The following VPS4B variants were observed in gnomAD, a reference collection of about 807,000 sequenced individuals.
VPS4B encodes vacuolar protein sorting 4 homolog B, also known as vacuolar protein sorting-associated protein 4B.
A neutral mutation model predicts 56.1 loss-of-function variants in VPS4B; 23 were observed. The ratio of observed to expected loss-of-function variants is 0.41; its 90% CI spans 0.30 to 0.58. The LOEUF (loss-of-function observed/expected upper bound fraction) is 0.58, where lower values mean the gene tolerates loss of function less well. Among genes scored for constraint, VPS4B ranks in the 20% least tolerant of loss-of-function variants. The pLI is 0.29. For missense variants in VPS4B, 372 were observed against 531.9 expected (o/e 0.70, Z 2.96); for synonymous variants, 177 against 186.0 (o/e 0.95, Z 0.39).
chr18:63,400,262 C>A, intron 6 of VPS4B, 66 bp from the exon 7 acceptor site: 1 of 1,423,572 alleles, frequency 7.0e-7, no homozygotes, highest in South Asian at 1.4e-5. Context: ...AGTAATATAT[C>A]AATATTACAA....
intron 5 of VPS4B, among the ~76,000 whole-genome samples, chr18:63,401,870 G>A (rs1447671781): frequency 3.9e-5 from 6 of 152,162 alleles, no homozygotes; most frequent in African/African-American, 1.2e-4. Flanking sequence ...GCAGATGCCT[G>A]TAATCCCAAA....
intron 5 of VPS4B, among the ~76,000 whole-genome samples, chr18:63,401,594 G>A (rs1021768009): frequency 1.3e-5 from 2 of 152,150 alleles, no homozygotes; most frequent in African/African-American, 4.8e-5. Context: ...TATAACCAGT[G>A]AATACATCAA....
At chr18:63,410,725 A>G (rs370143777) in intron 2 of VPS4B, among the ~76,000 whole-genome samples, 4 of 152,330 alleles carry the variant, frequency 2.6e-5, no homozygotes, top group South Asian at 2.1e-4. Context: ...TAATATTCTG[A>G]AGCTTTCATA....
intron 1 of VPS4B, among the ~76,000 whole-genome samples, chr18:63,414,714 C>T (rs1478599127): frequency 2.0e-5 from 3 of 152,216 alleles, no homozygotes; most frequent in African/African-American, 7.2e-5. Flanking sequence ...GGATAACAGG[C>T]GTGAGCCACC....
rs1369898961 is a variant in VPS4B at position 63,399,408 on chromosome 18, G to C, written c.791-85C>G. ...TCCATATATTCTGTTAAGAAATGTGGTGCTTTACCATTAAAGTGCTTCATC... is the reference window on the plus strand; with the variant it reads ...TCCATATATTCTGTTAAGAAATGTGCTGCTTTACCATTAAAGTGCTTCATC... On this transcript the variant is annotated intron_variant, in intron 7 of 10. Coordinates refer to ENST00000238497, the MANE Select transcript of VPS4B (RefSeq NM_004869.4). 9 of 1,214,292 alleles carry C rather than the reference G, an allele frequency of 7.4e-6. No homozygotes were observed. The African/African-American group carries it at 1.2e-4, about 16-fold the overall frequency. The allele number at this position is 1,214,292 out of a possible 1,614,324, so 75.2% of individuals were successfully genotyped here.
intron 10 of VPS4B, among the ~76,000 whole-genome samples, chr18:63,391,358 A>G (rs934578870): frequency 6.6e-6 from 1 of 151,636 alleles, no homozygotes; most frequent in Non-Finnish European, 1.5e-5. Flanking sequence ...CCTCCCAAGT[A>G]GCTGGGATTA....
At chr18:63,398,533 T>C (rs1479198623) in intron 8 of VPS4B, among the ~76,000 whole-genome samples, 1 of 151,484 alleles carries the variant, frequency 6.6e-6, no homozygotes, top group African/African-American at 2.4e-5. Flanking sequence ...CATATAGTTT[T>C]TACTAAAAAA....
rs145408869 is a variant in VPS4B at position 63,395,489 on chromosome 18, T to C, written c.1092+1545A>G. Among the ~76,000 whole-genome samples, 494 of 152,284 alleles carry C rather than the reference T, an allele frequency of 3.2e-3. 3 individuals are homozygous for C. The highest frequency in any genetic ancestry group is 0.011 in the African/African-American group (473 of 41,564). ...ATAAAAATGAGCTTTAAAGAAGTAATAGAATTTGCTCAAAAAGGTATAACA... is the reference window on the plus strand; with the variant it reads ...ATAAAAATGAGCTTTAAAGAAGTAACAGAATTTGCTCAAAAAGGTATAACA... On this transcript the variant is annotated intron_variant, in intron 9 of 10. Transcript: ENST00000238497.
At chr18:63,398,498 G>T (rs1376362739) in intron 8 of VPS4B, among the ~76,000 whole-genome samples, 2 of 151,544 alleles carry the variant, frequency 1.3e-5, no homozygotes, top group African/African-American at 4.9e-5. Context: ...GGGATTACAG[G>T]CATGAGCCAC....
intron 2 of VPS4B, among the ~76,000 whole-genome samples, chr18:63,410,773 T>G (rs540280714): frequency 6.6e-6 from 1 of 152,364 alleles, no homozygotes; most frequent in East Asian, 1.9e-4. Context: ...TCAAAGTTGC[T>G]TGTCTTAGAC....
At chr18:63,404,914 T>G (rs1915884004) in intron 4 of VPS4B, among the ~76,000 whole-genome samples, 1 of 152,178 alleles carries the variant, frequency 6.6e-6, no homozygotes, top group Non-Finnish European at 1.5e-5. Flanking sequence ...ATTCCAAAAG[T>G]TCAGACTACT....
intron 9 of VPS4B, among the ~76,000 whole-genome samples, chr18:63,395,120 C>T (rs538713422): frequency 7.9e-5 from 12 of 152,320 alleles, no homozygotes; most frequent in African/African-American, 2.6e-4. Flanking sequence ...AGATAAAACT[C>T]ATCTGGCTGT....
chr18:63,393,533 C>T lies in VPS4B; in HGVS notation c.1109G>A (p.Arg370Gln), dbSNP rs147130607. The change falls in exon 10 of 11, where the codon CGA becomes CAA. Residue 370 changes from arginine (R) to glutamine (Q), a missense_variant. By Grantham distance (43) the Arg-to-Gln change is conservative. Coordinates refer to ENST00000238497, the MANE Select transcript of VPS4B (RefSeq NM_004869.4). ...THFKKVRGPS[R>Q]ADPNHLVDDL... The stretch of plus-strand genomic sequence containing the variant: ...ATCTACAAGATGGTTAGGATCAGCT[C>T]GGGAAGGTCCGCGAACCTGAAATAA... 760 of 1,593,864 alleles carry T rather than the reference C, an allele frequency of 4.8e-4. 18 individuals carry two copies. In the East Asian group the frequency reaches 0.017, roughly 35 times the overall value.
chr18:63,394,761 A>G (rs1336477346), intron 9 of VPS4B, among the ~76,000 whole-genome samples: 2 of 152,202 alleles, frequency 1.3e-5, no homozygotes, highest in East Asian at 1.9e-4. Context: ...CACCGCGCCC[A>G]GCCAACTTGG....
At chr18:63,415,693 C>A in intron 1 of VPS4B, 1 of 241,844 alleles carries the variant, frequency 4.1e-6, no homozygotes. Flanking sequence ...TCACTGTCCC[C>A]TCCAGAACCC....
chr18:63,390,796 G>A lies in VPS4B; in HGVS notation c.*179C>T, dbSNP rs1171590844. 8 of 469,036 alleles carry A rather than the reference G, an allele frequency of 1.7e-5. No individual in the cohort carries two copies. Among genetic ancestry groups the A allele is most frequent in the South Asian group, 1.2e-4 (4 of 34,128 alleles). 29.1% of individuals were successfully genotyped at this position (469,036 alleles called of 1,614,324 possible). A position where few individuals can be genotyped will look rare whatever the true frequency, so the allele number is the denominator to read the frequency against. The stretch of plus-strand genomic sequence containing the variant: ...TGTTATTTTGTACCTTTTGTTAATA[G>A]GAGTATTTAATAAGTAATGGAGGAA... On this transcript the variant is annotated 3_prime_UTR_variant, in exon 11 of 11. Coordinates refer to ENST00000238497, the MANE Select transcript of VPS4B (RefSeq NM_004869.4).
intron 4 of VPS4B, 190 bp downstream of exon 4, chr18:63,407,242 C>A: frequency 1.8e-6 from 1 of 544,398 alleles, no homozygotes. Context: ...TAAAAAAGAC[C>A]AAACCATGAT....
intron 1 of VPS4B, among the ~76,000 whole-genome samples, chr18:63,418,872 C>T (rs563019919): frequency 6.6e-6 from 1 of 152,252 alleles, no homozygotes; most frequent in Admixed American, 6.5e-5. Flanking sequence ...CTAATAAATC[C>T]TTATTTCCAG....
intron 9 of VPS4B, 95 bp from the exon 10 acceptor site, chr18:63,393,644 T>G (rs1020739397): frequency 3.4e-6 from 4 of 1,187,856 alleles, no homozygotes; most frequent in Non-Finnish European, 4.4e-6. Context: ...ATAATAGTTT[T>G]GTATGTTTTA....
Sources: gnomAD v4.1 joint callset for allele counts (sites outside exome capture counted in the v4.1 genomes callset) on GRCh38, gnomAD v4.1.1 for gene constraint, MANE v1.5 for transcripts, NCBI Gene and HGNC (gene_info 2026-07-23, HGNC 2026-07-21) for gene names.